Variants in PTPRT observed in about 807,000 individuals in gnomAD.
The protein encoded by PTPRT is protein tyrosine phosphatase receptor type T.
In PTPRT, 56 loss-of-function variants were observed where a neutral mutation model predicts 176.8. The observed-to-expected ratio is 0.32, with a 90% CI of 0.26 to 0.40. PTPRT has a LOEUF of 0.40. PTPRT is among the 10% of genes least tolerant of loss of function. PTPRT has a pLI of 1.00. For missense variants in PTPRT, 1,540 were observed against 1,908.2 expected (o/e 0.81, Z 3.60); for synonymous variants, 783 against 739.0 (o/e 1.06, Z -0.96).
intron 8 of PTPRT, among the ~76,000 whole-genome samples, chr20:42,454,907 A>G (rs746585852): frequency 3.3e-5 from 5 of 152,192 alleles, no homozygotes; most frequent in Non-Finnish European, 5.9e-5. Context: ...CTTGTTCTCC[A>G]CGTAGAAGAA....
At chr20:42,909,667 C>T (rs368764062) in intron 1 of PTPRT, among the ~76,000 whole-genome samples, 69 of 152,252 alleles carry the variant, frequency 4.5e-4, no homozygotes, top group African/African-American at 1.5e-3. Flanking sequence ...GATGGAGGCA[C>T]CTGAGACCCA....
chr20:43,115,640 C>A (rs957690696), intron 1 of PTPRT, among the ~76,000 whole-genome samples: 1 of 152,150 alleles, frequency 6.6e-6, no homozygotes, highest in African/African-American at 2.4e-5. Context: ...CCACAGTACA[C>A]AGAACAGCGC....
chr20:42,530,836 T>C (rs1177954221), intron 7 of PTPRT, among the ~76,000 whole-genome samples: 1 of 152,112 alleles, frequency 6.6e-6, no homozygotes. Context: ...AGTGGCCAAG[T>C]ATTTGCTTTT....
intron 19 of PTPRT, among the ~76,000 whole-genome samples, chr20:42,121,162 C>A (rs75588338): frequency 0.033 from 5,064 of 152,266 alleles, 264 homozygotes; most frequent in African/African-American, 0.11. Context: ...CAAGTTTCTG[C>A]GTCCCTTGTA....
chr20:42,120,096 T>C (rs1012366181), intron 19 of PTPRT, 125 bp from the exon 20 acceptor site: 5 of 789,500 alleles, frequency 6.3e-6, no homozygotes, highest in Non-Finnish European at 9.9e-6. Context: ...GCATCAGTTA[T>C]TCCCAGAGAA....
intron 1 of PTPRT, among the ~76,000 whole-genome samples, chr20:43,055,586 G>T (rs546444915): frequency 6.6e-6 from 1 of 152,124 alleles, no homozygotes; most frequent in Non-Finnish European, 1.5e-5. Context: ...TCTCTGAAAC[G>T]GTAGTGGAAG....
intron 7 of PTPRT, among the ~76,000 whole-genome samples, chr20:42,664,609 T>C (rs2075281516): frequency 6.6e-6 from 1 of 152,216 alleles, no homozygotes; most frequent in Non-Finnish European, 1.5e-5. Flanking sequence ...TCATGTACTA[T>C]TTGATAAGCA....
chr20:42,868,640 G>T (rs1441227019), intron 2 of PTPRT, among the ~76,000 whole-genome samples: 1 of 152,176 alleles, frequency 6.6e-6, no homozygotes, highest in East Asian at 1.9e-4. Context: ...CAACAGTGTG[G>T]CTGAGTCAAT....
intron 2 of PTPRT, among the ~76,000 whole-genome samples, chr20:42,875,826 CGAT>C: frequency 6.6e-6 from 1 of 152,322 alleles, no homozygotes; most frequent in Non-Finnish European, 1.5e-5. Context: ...CATATGCTAA[CGAT>C]GACCTGGGCA....
intron 7 of PTPRT, among the ~76,000 whole-genome samples, chr20:42,625,512 G>T (rs2145871732): frequency 6.6e-6 from 1 of 151,646 alleles, no homozygotes; most frequent in African/African-American, 2.4e-5. Flanking sequence ...GTGGCTGTTT[G>T]TCAGTCTCTG....
intron 12 of PTPRT, among the ~76,000 whole-genome samples, chr20:42,308,422 C>A (rs765144036): frequency 2.0e-5 from 3 of 152,054 alleles, no homozygotes; most frequent in Non-Finnish European, 4.4e-5. Context: ...GACACAGACA[C>A]AAGTCCTAAA....
intron 7 of PTPRT, among the ~76,000 whole-genome samples, chr20:42,508,338 G>C (rs2071887355): frequency 6.6e-6 from 1 of 152,102 alleles, no homozygotes; most frequent in Non-Finnish European, 1.5e-5. Context: ...AACAGTTGGG[G>C]TTGGGAGAGA....
At chr20:43,006,563 G>A (rs954393693) in intron 1 of PTPRT, among the ~76,000 whole-genome samples, 6 of 152,082 alleles carry the variant, frequency 3.9e-5, no homozygotes, top group African/African-American at 1.4e-4. Context: ...CGACATCCTT[G>A]CCACCCCTAT....
chr20:43,161,895 C>A (rs2014710393), intron 1 of PTPRT, among the ~76,000 whole-genome samples: 1 of 152,172 alleles, frequency 6.6e-6, no homozygotes, highest in Admixed American at 6.5e-5. Context: ...GTGGCTACAT[C>A]ACAATGACCT....
At chr20:42,920,377 G>A (rs543244046) in intron 1 of PTPRT, among the ~76,000 whole-genome samples, 18 of 152,214 alleles carry the variant, frequency 1.2e-4, no homozygotes, top group East Asian at 3.9e-4. Flanking sequence ...ATAAGTGGTC[G>A]CCTGGAGCAG....
chr20:42,098,076 C>T (rs1237683822), intron 27 of PTPRT, among the ~76,000 whole-genome samples: 1 of 152,164 alleles, frequency 6.6e-6, no homozygotes, highest in African/African-American at 2.4e-5. Context: ...TTCAGGGCTG[C>T]AGGTGCTCAG....
intron 1 of PTPRT, among the ~76,000 whole-genome samples, chr20:43,020,185 T>C (rs186607246): frequency 7.1e-4 from 105 of 147,308 alleles, no homozygotes; most frequent in Non-Finnish European, 4.9e-4. Flanking sequence ...TAATTACATA[T>C]ATAAGTAATA....
intron 1 of PTPRT, among the ~76,000 whole-genome samples, chr20:42,917,459 C>T (rs1978848772): frequency 6.6e-6 from 1 of 152,054 alleles, no homozygotes; most frequent in Non-Finnish European, 1.5e-5. Context: ...TTTTTTGGTT[C>T]CATATGAACT....
chr20:43,104,524 C>T (rs1286176552), intron 1 of PTPRT, among the ~76,000 whole-genome samples: 1 of 152,184 alleles, frequency 6.6e-6, no homozygotes, highest in African/African-American at 2.4e-5. Flanking sequence ...ATAACACCTG[C>T]CTTCCTTGCA....
Sources: allele counts gnomAD v4.1 joint callset (sites outside exome capture counted in the v4.1 genomes callset), GRCh38; gene constraint gnomAD v4.1.1; transcripts MANE v1.5; gene names NCBI Gene and HGNC (gene_info 2026-07-23, HGNC 2026-07-21).